Variants in MED27 observed in about 807,000 individuals in gnomAD.
MED27 encodes the protein mediator complex subunit 27.
A neutral mutation model predicts 38.2 loss-of-function variants in MED27; 30 were observed. The observed-to-expected ratio is 0.79, with a 90% CI of 0.59 to 1.07. The LOEUF is 1.07. MED27 is among the 50% of genes least tolerant of loss of function. The pLI, the probability that MED27 is intolerant of heterozygous loss-of-function variation, is 0.00. For synonymous variants in MED27, 122 were observed against 153.5 expected (o/e 0.79, Z 1.52); for missense variants, 289 against 397.5 (o/e 0.73, Z 2.32).
chr9:131,892,592 T>C (rs1839247145), intron 5 of MED27, among the ~76,000 whole-genome samples: 1 of 152,196 alleles, frequency 6.6e-6, no homozygotes, highest in South Asian at 2.1e-4. Flanking sequence ...GCAAGGGCTA[T>C]GTTTTGTACC....
chr9:131,882,700 GCTC>G (rs1278172216), intron 6 of MED27, among the ~76,000 whole-genome samples: 7 of 152,126 alleles, frequency 4.6e-5, no homozygotes, highest in Admixed American at 4.6e-4. Context: ...CACGGGGCTG[GCTC>G]CTCCTCCTCA....
At chr9:132,016,327 T>C (rs1406823836) in intron 2 of MED27, among the ~76,000 whole-genome samples, 1 of 152,202 alleles carries the variant, frequency 6.6e-6, no homozygotes, top group Non-Finnish European at 1.5e-5. Context: ...AGGCTCTTGA[T>C]TTACTTGGTC....
At chr9:132,026,250 C>T (rs1589274089) in intron 2 of MED27, among the ~76,000 whole-genome samples, 1 of 152,198 alleles carries the variant, frequency 6.6e-6, no homozygotes, top group Non-Finnish European at 1.5e-5. Flanking sequence ...GGAAAGTAGC[C>T]TGCTTTGGGA....
At chr9:132,015,295 T>C (rs1832577737) in intron 2 of MED27, among the ~76,000 whole-genome samples, 1 of 152,190 alleles carries the variant, frequency 6.6e-6, no homozygotes, top group East Asian at 1.9e-4. Context: ...AACAATGTCA[T>C]GGAGGTAAGG....
intron 3 of MED27, among the ~76,000 whole-genome samples, chr9:131,959,321 C>T (rs144248748): frequency 1.6e-4 from 24 of 152,302 alleles, no homozygotes; most frequent in African/African-American, 5.1e-4. Context: ...CATGTATACC[C>T]GCACTAAGTG....
At chr9:132,025,688 A>G (rs1832802854) in intron 2 of MED27, among the ~76,000 whole-genome samples, 1 of 152,210 alleles carries the variant, frequency 6.6e-6, no homozygotes, top group East Asian at 1.9e-4. Context: ...CTGCTACTCA[A>G]TACTATCTGA....
At chr9:132,079,527 G>A in intron 1 of MED27, 115 bp downstream of exon 1, 1 of 941,542 alleles carries the variant, frequency 1.1e-6, no homozygotes, top group Non-Finnish European at 1.7e-6. Flanking sequence ...AGAAGAGAAA[G>A]AACAGGGATC....
chr9:132,046,767 T>C (rs1004883315), intron 2 of MED27, among the ~76,000 whole-genome samples: 1 of 152,152 alleles, frequency 6.6e-6, no homozygotes. Context: ...AGTGAAGGAA[T>C]CTGTCCCCCG....
At chr9:131,974,971 T>TG (rs1210978121) in intron 3 of MED27, among the ~76,000 whole-genome samples, 1 of 152,196 alleles carries the variant, frequency 6.6e-6, no homozygotes, top group Non-Finnish European at 1.5e-5. Flanking sequence ...GTAGTGGGTG[T>TG]TCGATGGAAC....
intron 2 of MED27, among the ~76,000 whole-genome samples, chr9:132,019,541 A>T (rs1253365336): frequency 6.6e-6 from 1 of 152,132 alleles, no homozygotes; most frequent in Non-Finnish European, 1.5e-5. Flanking sequence ...GTCCATAGGG[A>T]CTGCCCCTAG....
chr9:132,070,940 T>C (rs1295615807), intron 2 of MED27, among the ~76,000 whole-genome samples: 2 of 152,114 alleles, frequency 1.3e-5, no homozygotes, highest in Non-Finnish European at 2.9e-5. Flanking sequence ...ATCTCCAATG[T>C]GAAGAACTTC....
chr9:132,037,686 C>T (rs1833110074), intron 2 of MED27, among the ~76,000 whole-genome samples: 2 of 152,130 alleles, frequency 1.3e-5, no homozygotes, highest in Admixed American at 6.5e-5. Context: ...CCGGAGCTAC[C>T]CTGCTGGTGA....
chr9:131,861,930 C>G lies in MED27; in HGVS notation c.801+1133G>C, dbSNP rs1226571010. Among the ~76,000 whole-genome samples, 1 of 152,164 alleles carries G rather than the reference C, an allele frequency of 6.6e-6. No homozygotes were observed. Among genetic ancestry groups the G allele is most frequent in the African/African-American group, 2.4e-5 (1 of 41,424 alleles). On this transcript the variant is annotated intron_variant, in intron 7 of 7. Transcript: ENST00000292035. The surrounding 1 kb of genome is among the most constrained non-coding windows in gnomAD (Gnocchi z 4.4). ...TGGAGTCACTGGGATTCAAATCTTCCCTAAATCCCACAGTCAGTTACCAAA... is the reference window on the plus strand; with the variant it reads ...TGGAGTCACTGGGATTCAAATCTTCGCTAAATCCCACAGTCAGTTACCAAA...
chr9:131,921,607 G>A (rs1830393243), intron 4 of MED27, among the ~76,000 whole-genome samples: 1 of 152,230 alleles, frequency 6.6e-6, no homozygotes, highest in Non-Finnish European at 1.5e-5. Flanking sequence ...CATTGTGGAA[G>A]ACAGTGTGGC....
At chr9:131,932,187 C>T (rs1379006189) in intron 4 of MED27, among the ~76,000 whole-genome samples, 2 of 151,716 alleles carry the variant, frequency 1.3e-5, no homozygotes, top group African/African-American at 4.8e-5. Flanking sequence ...TCTCTGACCA[C>T]ACTGGAATAA....
At chr9:131,909,244 T>C (rs1391525119) in intron 4 of MED27, among the ~76,000 whole-genome samples, 2 of 152,176 alleles carry the variant, frequency 1.3e-5, no homozygotes, top group Non-Finnish European at 2.9e-5. Flanking sequence ...TAGGATACTT[T>C]TGAAATATGT....
intron 3 of MED27, among the ~76,000 whole-genome samples, chr9:131,988,891 G>A (rs1302043986): frequency 6.6e-6 from 1 of 152,192 alleles, no homozygotes; most frequent in African/African-American, 2.4e-5. Context: ...GCTGCGCCGA[G>A]GGTGAACAAC....
intron 6 of MED27, among the ~76,000 whole-genome samples, chr9:131,875,448 C>T (rs1170946604): frequency 6.6e-6 from 1 of 152,060 alleles, no homozygotes; most frequent in Non-Finnish European, 1.5e-5. Context: ...CCTGAGCCAC[C>T]GTGTCCACTG....
In MED27 at chr9:131,969,184, C is replaced by A. The variant is rs953972509; in HGVS notation, c.480-29710G>T. Among the ~76,000 whole-genome samples the A allele has an allele frequency of 2.9e-5, 4 of 138,810 alleles. No homozygotes were observed. In the South Asian group the frequency reaches 8.1e-4, roughly 28 times the overall value. The allele number at this position is 138,810 out of a possible 152,430, so 91.1% of individuals were successfully genotyped here. Reference sequence around the variant, plus strand: ...GAAACCACCCCCCGCTCCTGCCCCCCACACCTTCTGTCCATGGAAATAGTA... The same window carrying A: ...GAAACCACCCCCCGCTCCTGCCCCCAACACCTTCTGTCCATGGAAATAGTA... On this transcript the variant is annotated intron_variant, in intron 3 of 7. Transcript: ENST00000292035.
Sources: allele counts gnomAD v4.1 joint callset (sites outside exome capture counted in the v4.1 genomes callset), GRCh38; gene constraint gnomAD v4.1.1; non-coding constraint Gnocchi (gnomAD v3.1); transcripts MANE v1.5; gene names NCBI Gene and HGNC (gene_info 2026-07-23, HGNC 2026-07-21).